The following TENM1 variants were observed in gnomAD, a reference collection of about 807,000 sequenced individuals.
The protein encoded by TENM1 is teneurin transmembrane protein 1.
Under a neutral mutation model 174.8 loss-of-function variants are expected in TENM1, and 35 were observed. That is an observed-to-expected ratio of 0.20 (90% CI 0.15 to 0.27). The LOEUF (loss-of-function observed/expected upper bound fraction) is 0.27, where lower values mean the gene tolerates loss of function less well. TENM1 is among the 10% of genes least tolerant of loss of function. The pLI is 1.00. For missense variants in TENM1, 1,633 were observed against 2,130.1 expected (o/e 0.77, Z 4.59); for synonymous variants, 781 against 798.7 (o/e 0.98, Z 0.37).
At chrX:124,521,392 T>C (rs955619485) in intron 17 of TENM1, among the ~76,000 whole-genome samples, 5 of 112,026 alleles carry the variant, frequency 4.5e-5, no homozygotes, top group East Asian at 2.8e-4. Flanking sequence ...AAATTTTTAA[T>C]CAAATTTTTC....
chrX:125,163,380 G>A, the TENM1 span, among the ~76,000 whole-genome samples: 1 of 110,504 alleles, frequency 9.0e-6, no homozygotes, highest in African/African-American at 3.3e-5. Context: ...TGCATCAATA[G>A]TAAATAATCA....
chrX:125,143,812 TA>T, the TENM1 span, among the ~76,000 whole-genome samples: 1 of 111,879 alleles, frequency 8.9e-6, no homozygotes, highest in Admixed American at 9.5e-5. Flanking sequence ...ATCTAGATGT[TA>T]TTTTTTTCTA....
the TENM1 span, among the ~76,000 whole-genome samples, chrX:125,028,978 A>G: frequency 0.043 from 4,845 of 111,904 alleles, 242 homozygotes; most frequent in African/African-American, 0.15. Context: ...AATCCTGTGC[A>G]TTTGACATAT....
At chrX:124,681,963 C>T (rs2052246330) in intron 5 of TENM1, among the ~76,000 whole-genome samples, 1 of 111,642 alleles carries the variant, frequency 9.0e-6, no homozygotes, top group Admixed American at 9.5e-5. Flanking sequence ...TACTTTCCTG[C>T]CCTAGGAGAT....
intron 5 of TENM1, among the ~76,000 whole-genome samples, chrX:124,678,057 T>C (rs1449963327): frequency 1.8e-5 from 2 of 111,730 alleles, no homozygotes; most frequent in African/African-American, 3.2e-5. Flanking sequence ...TGGCTTATAC[T>C]GGTTTACAAA....
chrX:124,984,680 T>C, the TENM1 span, among the ~76,000 whole-genome samples: 1 of 111,842 alleles, frequency 8.9e-6, no homozygotes, highest in South Asian at 3.7e-4. Flanking sequence ...GTGAAGAGAA[T>C]TGAGCTCATT....
intron 23 of TENM1, among the ~76,000 whole-genome samples, chrX:124,424,926 T>C (rs976817274): frequency 1.9e-4 from 21 of 111,387 alleles, no homozygotes; most frequent in Non-Finnish European, 3.6e-4. Flanking sequence ...GCCAGAATCA[T>C]GCTTCTTGTA....
intron 1 of TENM1, among the ~76,000 whole-genome samples, chrX:124,951,955 A>G (rs951918831): frequency 1.5e-4 from 16 of 110,172 alleles, no homozygotes; most frequent in African/African-American, 4.9e-4. Flanking sequence ...ACTGCCAATC[A>G]TATTGCAGAT....
chrX:125,181,577 C>T, the TENM1 span, among the ~76,000 whole-genome samples: 6 of 111,562 alleles, frequency 5.4e-5, no homozygotes, highest in Admixed American at 3.8e-4. Context: ...CTTCCTGCTG[C>T]GGGTGTCCCA....
chrX:125,180,046 C>A, the TENM1 span, among the ~76,000 whole-genome samples: 2 of 92,342 alleles, frequency 2.2e-5, no homozygotes, highest in Admixed American at 1.3e-4. Context: ...TCCTCCTTCC[C>A]TAGAGCAGTG....
At chrX:125,127,791 T>A in the TENM1 span, among the ~76,000 whole-genome samples, 1 of 111,013 alleles carries the variant, frequency 9.0e-6, no homozygotes, top group Non-Finnish European at 1.9e-5. Flanking sequence ...GGAAGCAGTA[T>A]CCTAGTCCTT....
chrX:125,029,998 T>C, the TENM1 span, among the ~76,000 whole-genome samples: 16 of 112,474 alleles, frequency 1.4e-4, no homozygotes, highest in Admixed American at 4.7e-4. Context: ...ATTAGATCTG[T>C]GTCATTTGTA....
the TENM1 span, among the ~76,000 whole-genome samples, chrX:125,153,048 A>C: frequency 2.7e-5 from 3 of 112,074 alleles, no homozygotes; most frequent in Non-Finnish European, 1.9e-5. Context: ...GTTTCCCCCA[A>C]GAAAGAGCTA....
chrX:125,183,410 T>C, the TENM1 span, among the ~76,000 whole-genome samples: 2 of 111,781 alleles, frequency 1.8e-5, no homozygotes, highest in Non-Finnish European at 3.8e-5. Context: ...ACTGCTGTGA[T>C]ATGTAGATGA....
At chrX:124,566,188 A>G (rs1226905099) in intron 11 of TENM1, among the ~76,000 whole-genome samples, 2 of 112,292 alleles carry the variant, frequency 1.8e-5, no homozygotes, top group Non-Finnish European at 3.8e-5. Flanking sequence ...TAAAATTCAT[A>G]ATATACAAAA....
At chrX:124,875,908 C>T (rs1025016742) in intron 3 of TENM1, among the ~76,000 whole-genome samples, 13 of 106,088 alleles carry the variant, frequency 1.2e-4, no homozygotes, top group Non-Finnish European at 1.9e-4. Context: ...TCTAGTGCTT[C>T]CTCACTTCAA....
Position 124,520,798 on chromosome X carries a change from A to T in TENM1, c.3034-14T>A. The T allele has an allele frequency of 8.6e-7, 1 of 1,161,510 alleles. No homozygotes were observed. The highest frequency in any genetic ancestry group is 1.1e-6 in the Non-Finnish European group (1 of 873,442). ...CTCCTGTACAACCTGAAATAAAAAA[A>T]AAAAAAAAAAGCCAAATAGGCTCTT... On this transcript the variant is annotated splice_polypyrimidine_tract_variant and intron_variant, in intron 17 of 31. Transcript: ENST00000422452.
rs193092288 is a variant in TENM1 at position 124,874,429 on chromosome X, C to A, written c.535+19867G>T. The stretch of plus-strand genomic sequence containing the variant: ...TACTATGGCATATATCAATTTTTTT[C>A]TATTACATTATTTGGATTTTTTTCT... On this transcript the variant is annotated intron_variant, in intron 3 of 31. Coordinates refer to ENST00000422452, the Ensembl canonical transcript of TENM1. Among the ~76,000 whole-genome samples, 547 of 109,424 alleles carry A rather than the reference C, an allele frequency of 5.0e-3. 9 individuals are homozygous for A. Among genetic ancestry groups the A allele is most frequent in the African/African-American group, 0.017 (520 of 30,245 alleles).
At chrX:124,886,444 TTC>T (rs962316445) in intron 3 of TENM1, among the ~76,000 whole-genome samples, 10 of 106,870 alleles carry the variant, frequency 9.4e-5, no homozygotes, top group East Asian at 8.7e-4. Context: ...GATATTTATA[TTC>T]TGTTTTTAAA....
Sources: gnomAD v4.1 joint callset for allele counts (sites outside exome capture counted in the v4.1 genomes callset) on GRCh38, gnomAD v4.1.1 for gene constraint, MANE v1.5 for transcripts, NCBI Gene and HGNC (gene_info 2026-07-23, HGNC 2026-07-21) for gene names.